ACSS1: variants seen among roughly 807,000 people sequenced by gnomAD.
ACSS1 encodes acyl-CoA synthetase short chain family member 1, also known as acetyl-coenzyme A synthetase 2-like, mitochondrial.
In ACSS1, 42 loss-of-function variants were observed where a neutral mutation model predicts 75.3. The ratio of observed to expected loss-of-function variants is 0.56; its 90% CI spans 0.44 to 0.72. The LOEUF (loss-of-function observed/expected upper bound fraction) is 0.72. Ranked by LOEUF, ACSS1 falls within the 30% of genes least tolerant of loss-of-function variation. ACSS1 has a pLI of 0.00. For synonymous variants in ACSS1, 380 were observed against 376.8 expected, an observed-to-expected ratio of 1.01 and a Z score of -0.10; for missense variants, 782 against 935.7, an observed-to-expected ratio of 0.84 and a Z score of 2.14.
chr20:25,024,067 G>C (rs1420989058), intron 3 of ACSS1, among the ~76,000 whole-genome samples: 1 of 152,198 alleles, frequency 6.6e-6, no homozygotes, highest in Non-Finnish European at 1.5e-5. Context: ...CAGAGGCCAA[G>C]CCCAAAGGTG....
At chr20:25,030,669 C>A in intron 3 of ACSS1, 90 bp downstream of exon 3, 1 of 1,426,154 alleles carries the variant, frequency 7.0e-7, no homozygotes, top group Non-Finnish European at 9.7e-7. Flanking sequence ...AATGTCTGCA[C>A]TCTGATGGTC....
intron 7 of ACSS1, among the ~76,000 whole-genome samples, chr20:25,018,226 C>T (rs2088554360): frequency 6.6e-6 from 1 of 152,228 alleles, no homozygotes; most frequent in Non-Finnish European, 1.5e-5. Flanking sequence ...GTTCAACCTC[C>T]TCTTGCTCTC....
intron 8 of ACSS1, 138 bp downstream of exon 8, chr20:25,015,000 C>T: frequency 6.1e-6 from 4 of 655,120 alleles, no homozygotes; most frequent in Non-Finnish European, 9.7e-6. Context: ...ACTCTAGGCT[C>T]CAGGGTTTCC....
chr20:25,042,309 C>T (rs1238642920), intron 2 of ACSS1, among the ~76,000 whole-genome samples: 2 of 152,112 alleles, frequency 1.3e-5, no homozygotes, highest in African/African-American at 2.4e-5. Flanking sequence ...CAAAAACAGC[C>T]CACCCCGAGT....
At chr20:25,048,847 C>G (rs572157858) in intron 1 of ACSS1, among the ~76,000 whole-genome samples, 9 of 152,322 alleles carry the variant, frequency 5.9e-5, no homozygotes, top group Admixed American at 5.9e-4. Flanking sequence ...TGTGGCACAC[C>G]GTGAGACTGA....
intron 3 of ACSS1, among the ~76,000 whole-genome samples, chr20:25,027,963 C>A (rs555434368): frequency 6.6e-6 from 1 of 152,104 alleles, no homozygotes; most frequent in African/African-American, 2.4e-5. Flanking sequence ...ATTGCTGTAT[C>A]TCTACATATT....
At chr20:25,030,991 T>C (rs2088814703) in intron 2 of ACSS1, 33 bp from the exon 3 acceptor site, 2 of 1,608,318 alleles carry the variant, frequency 1.2e-6, no homozygotes, top group East Asian at 4.5e-5. Flanking sequence ...CCATCAGAGA[T>C]GGAGGAGGGC....
intron 7 of ACSS1, among the ~76,000 whole-genome samples, chr20:25,015,970 G>A (rs1972306486): frequency 2.0e-5 from 3 of 152,222 alleles, no homozygotes; most frequent in Admixed American, 1.3e-4. Flanking sequence ...AGAAATGACT[G>A]CAGATGCCAC....
rs1258708316 is a variant in ACSS1 at position 25,007,144 on chromosome 20, G to A, written c.*618C>T. ...AGTTCTCAAGGGAACTGTTTAGACA[G>A]AGGTACAAACATCTCCAATTCAGAC... On this transcript the variant is annotated 3_prime_UTR_variant, in exon 14 of 14. Coordinates refer to ENST00000323482, the MANE Select transcript of ACSS1 (RefSeq NM_032501.4). 1.5e-6 allele frequency: 2 copies of A among 1,354,886 alleles called. No homozygotes were observed. The highest frequency in any genetic ancestry group is 1.9e-6 in the Non-Finnish European group (2 of 1,054,272). The allele number at this position is 1,354,886 out of a possible 1,614,324, so 83.9% of individuals were successfully genotyped here. A position where few individuals can be genotyped will look rare whatever the true frequency, so the allele number is the denominator to read the frequency against.
chr20:25,035,556 C>T (rs1019220551), intron 2 of ACSS1, among the ~76,000 whole-genome samples: 2 of 152,120 alleles, frequency 1.3e-5, no homozygotes, highest in Admixed American at 6.5e-5. Flanking sequence ...CAGGCGTGCA[C>T]CACCACACCC....
chr20:25,013,069 C>T lies in ACSS1; in HGVS notation c.1580-130G>A, dbSNP rs185168881. The T allele has an allele frequency of 5.5e-5, 75 of 1,363,506 alleles. No homozygotes were observed. The Admixed American group carries it at 9.6e-4, about 18-fold the overall frequency. The allele number at this position is 1,363,506 out of a possible 1,614,324, so 84.5% of individuals were successfully genotyped here. On this transcript the variant is annotated intron_variant, in intron 10 of 13. Coordinates refer to ENST00000323482, the MANE Select transcript of ACSS1 (RefSeq NM_032501.4). The stretch of plus-strand genomic sequence containing the variant: ...CGCCCATCGGCCCTCCTTGCAACTC[C>T]GATGCTTCCCTATGTTCTAGAGCAT...
Position 25,021,375 on chromosome 20 carries a change from T to C in ACSS1, c.1108+14A>G, listed in dbSNP as rs2088621767. ...CACCAGCATGGGGTCCCAAACAGGG[T>C]TCACCATCCTTACCAGCATTGGGAT... On this transcript the variant is annotated intron_variant, in intron 6 of 13. Transcript: ENST00000323482. 6.2e-7 allele frequency: 1 copy of C among 1,612,794 alleles called. No individual in the cohort carries two copies. The highest frequency in any genetic ancestry group is 1.1e-5 in the South Asian group (1 of 90,868).
chr20:25,017,582 C>A (rs1462750958), intron 7 of ACSS1, among the ~76,000 whole-genome samples: 4 of 152,234 alleles, frequency 2.6e-5, no homozygotes, highest in Admixed American at 2.6e-4. Flanking sequence ...ACCGGTTATG[C>A]AACAGGAATA....
intron 2 of ACSS1, among the ~76,000 whole-genome samples, chr20:25,038,168 T>G (rs962765665): frequency 2.0e-5 from 3 of 152,188 alleles, no homozygotes; most frequent in Non-Finnish European, 4.4e-5. Context: ...ACTAAAGCTA[T>G]GTGTGTTCTA....
Position 25,040,375 on chromosome 20 carries a change from G to T in ACSS1, c.431+7710C>A, listed in dbSNP as rs566520397. 1.5e-4 allele frequency among the ~76,000 whole-genome samples: 23 copies of T among 152,346 alleles called. No homozygotes were observed. The South Asian group carries it at 4.8e-3, about 32-fold the overall frequency. ...TCCTGGGAGTCCACACAACATTCCA[G>T]ATTAACACCTGGAGGAGAGTAAGCC... On this transcript the variant is annotated intron_variant, in intron 2 of 13. Transcript: ENST00000323482.
At chr20:25,028,418 A>G (rs968568973) in intron 3 of ACSS1, among the ~76,000 whole-genome samples, 11 of 152,264 alleles carry the variant, frequency 7.2e-5, no homozygotes, top group African/African-American at 2.7e-4. Context: ...ATAGGTAATC[A>G]TATGGATAAA....
intron 3 of ACSS1, among the ~76,000 whole-genome samples, chr20:25,025,157 A>G (rs2088694054): frequency 6.6e-6 from 1 of 152,012 alleles, no homozygotes; most frequent in African/African-American, 2.4e-5. Flanking sequence ...CGATACAATG[A>G]CCCCAGCCCA....
At position 25,015,230 on chromosome 20, in the gene ACSS1, A is replaced by G; in HGVS notation, c.1247T>C (p.Val416Ala). Residue 416 changes from valine (V) to alanine (A), a missense_variant and splice_region_variant, in exon 8 of 14, where the codon GTG becomes GCG. Around this residue, in one of 2 missense-constraint regions of ACSS1, gnomAD observed 405 missense variants for 552.6 expected, o/e 0.73. Coordinates refer to ENST00000323482, the MANE Select transcript of ACSS1 (RefSeq NM_032501.4). Reference protein sequence around the residue: ...DRSSLRTLGSVGEPINCEAWE... With the variant: ...DRSSLRTLGSAGEPINCEAWE... ...GGCCTCACAGTTGATGGGCTCTCCCACTGAAACCACACAGAAAGAAAAAGA... is the reference window on the plus strand; with the variant it reads ...GGCCTCACAGTTGATGGGCTCTCCCGCTGAAACCACACAGAAAGAAAAAGA... 4.4e-6 allele frequency: 7 copies of G among 1,603,236 alleles called. No homozygotes were observed. Among genetic ancestry groups the G allele is most frequent in the Non-Finnish European group, 6.0e-6 (7 of 1,172,638 alleles).
In ACSS1 at chr20:25,048,150, G is replaced by A; in HGVS notation, c.366C>T (p.Ser122=). ...CCCAGATCAAAGCAACGCTCTCGGG[G>A]GACTTCCGAACATGCTGGTCCAAGC... ...VNCLDQHVRK[S]PESVALIWER... is the part of the protein sequence containing the mutation. The change falls in exon 2 of 14, where the codon TCC becomes TCT. Residue 122 remains serine, a synonymous_variant. Coordinates refer to ENST00000323482, the MANE Select transcript of ACSS1 (RefSeq NM_032501.4). The A allele has an allele frequency of 6.2e-7, 1 of 1,613,582 alleles. No individual in the cohort carries two copies. Among genetic ancestry groups the A allele is most frequent in the Non-Finnish European group, 8.5e-7 (1 of 1,179,992 alleles).
Sources: gnomAD v4.1 joint callset for allele counts (sites outside exome capture counted in the v4.1 genomes callset) on GRCh38, gnomAD v4.1.1 for gene constraint, gnomAD v4.1.1 regional missense constraint, MANE v1.5 for transcripts, NCBI Gene and HGNC (gene_info 2026-07-23, HGNC 2026-07-21) for gene names.